HEMK2: variants seen among roughly 807,000 people sequenced by gnomAD.
HEMK2 encodes the protein methyltransferase HEMK2.
chr21:28,818,290 G>A, the HEMK2 span, among the ~76,000 whole-genome samples: 2 of 152,218 alleles, frequency 1.3e-5, no homozygotes, highest in East Asian at 1.9e-4. Flanking sequence ...GGGACTCTTG[G>A]ACCTTTGACC....
chr21:28,880,793 C>A, the HEMK2 span, among the ~76,000 whole-genome samples: 121 of 151,114 alleles, frequency 8.0e-4, no homozygotes, highest in Non-Finnish European at 1.3e-3. Flanking sequence ...AAAATCACCA[C>A]GTTGATCTCA....
chr21:28,767,830 A>C, the HEMK2 span, among the ~76,000 whole-genome samples: 1 of 151,948 alleles, frequency 6.6e-6, no homozygotes, highest in African/African-American at 2.4e-5. Context: ...TGGGTTCTTT[A>C]ACATTGGCTC....
chr21:28,854,168 G>T, the HEMK2 span, among the ~76,000 whole-genome samples: 1 of 152,108 alleles, frequency 6.6e-6, no homozygotes, highest in South Asian at 2.1e-4. Context: ...ATTTTCCTTG[G>T]TTCCCCACAT....
At chr21:28,697,778 C>CAAAAA in the HEMK2 span, among the ~76,000 whole-genome samples, 2,903 of 79,444 alleles carry the variant, frequency 0.037, 250 homozygotes, top group African/African-American at 0.15. Flanking sequence ...ATCATGAGCC[C>CAAAAA]AAAAAAAAAA....
At chr21:28,764,769 T>C in the HEMK2 span, among the ~76,000 whole-genome samples, 1 of 152,062 alleles carries the variant, frequency 6.6e-6, no homozygotes, top group African/African-American at 2.4e-5. Flanking sequence ...TGGCCAGAAA[T>C]CAGGTAATGT....
At chr21:28,764,353 G>C in the HEMK2 span, among the ~76,000 whole-genome samples, 1 of 152,008 alleles carries the variant, frequency 6.6e-6, no homozygotes, top group Non-Finnish European at 1.5e-5. Flanking sequence ...TTTAAAGTGA[G>C]GCAGAAGCTG....
chr21:28,667,238 T>C, the HEMK2 span, among the ~76,000 whole-genome samples: 2 of 152,212 alleles, frequency 1.3e-5, no homozygotes, highest in Non-Finnish European at 1.5e-5. Flanking sequence ...ATGGAATATA[T>C]AAACATGTGT....
At chr21:28,636,114 AT>A in the HEMK2 span, among the ~76,000 whole-genome samples, 1 of 152,132 alleles carries the variant, frequency 6.6e-6, no homozygotes, top group East Asian at 1.9e-4. Context: ...CGGGACCTTT[AT>A]TACTATCTTC....
At chr21:28,849,262 T>C in the HEMK2 span, among the ~76,000 whole-genome samples, 6 of 151,922 alleles carry the variant, frequency 3.9e-5, no homozygotes, top group Admixed American at 3.9e-4. Flanking sequence ...CCTGGTATCT[T>C]CCAGCAAAGA....
the HEMK2 span, among the ~76,000 whole-genome samples, chr21:28,598,987 C>T: frequency 6.6e-6 from 1 of 152,170 alleles, no homozygotes; most frequent in Admixed American, 6.5e-5. Context: ...GTAGTGAGGA[C>T]ATGATGTTGG....
chr21:28,876,912 C>G, the HEMK2 span, among the ~76,000 whole-genome samples: 1 of 148,712 alleles, frequency 6.7e-6, no homozygotes, highest in Non-Finnish European at 1.5e-5. Flanking sequence ...TAGCTTATTT[C>G]TTTCAGGCAT....
At chr21:28,594,360 C>T in the HEMK2 span, among the ~76,000 whole-genome samples, 9 of 152,086 alleles carry the variant, frequency 5.9e-5, no homozygotes, top group African/African-American at 2.2e-4. Flanking sequence ...ATAATGTACT[C>T]ATATTAGTTC....
chr21:28,758,053 G>A, the HEMK2 span, among the ~76,000 whole-genome samples: 1 of 152,154 alleles, frequency 6.6e-6, no homozygotes, highest in South Asian at 2.1e-4. Flanking sequence ...AGGGGCAGAG[G>A]ATGTATAACG....
At chr21:28,584,253 C>A in the HEMK2 span, among the ~76,000 whole-genome samples, 5 of 152,096 alleles carry the variant, frequency 3.3e-5, no homozygotes, top group African/African-American at 1.2e-4. Context: ...CCATTCAACA[C>A]AAAGATTATT....
At chr21:28,688,852 A>G in the HEMK2 span, among the ~76,000 whole-genome samples, 2 of 152,116 alleles carry the variant, frequency 1.3e-5, no homozygotes, top group Admixed American at 1.3e-4. Context: ...ACACAACAGG[A>G]GAGGGAATCT....
At chr21:28,816,702 A>C in the HEMK2 span, among the ~76,000 whole-genome samples, 2 of 152,114 alleles carry the variant, frequency 1.3e-5, no homozygotes, top group Non-Finnish European at 2.9e-5. Context: ...AAATTTACCT[A>C]AGAGAAGAGA....
the HEMK2 span, among the ~76,000 whole-genome samples, chr21:28,855,521 G>T: frequency 1.1e-4 from 17 of 152,072 alleles, no homozygotes; most frequent in African/African-American, 4.1e-4. Flanking sequence ...GACCAAATGG[G>T]CCTAATAGAA....
At chr21:28,798,350 A>G in the HEMK2 span, among the ~76,000 whole-genome samples, 1 of 152,136 alleles carries the variant, frequency 6.6e-6, no homozygotes. Flanking sequence ...GCCTGGGGCA[A>G]TTTAATTGAT....
the HEMK2 span, among the ~76,000 whole-genome samples, chr21:28,652,164 G>C: frequency 2.0e-5 from 3 of 152,108 alleles, no homozygotes; most frequent in Non-Finnish European, 4.4e-5. Flanking sequence ...CATAAGAAAA[G>C]TTAGGTAATA....
Sources: gnomAD v4.1 joint callset for allele counts (sites outside exome capture counted in the v4.1 genomes callset) on GRCh38, gnomAD v4.1.1 for gene constraint, MANE v1.5 for transcripts, NCBI Gene and HGNC (gene_info 2026-07-23, HGNC 2026-07-21) for gene names.